The following SEMA5A variants were observed in gnomAD, a reference collection of about 807,000 sequenced individuals.
The protein encoded by SEMA5A is semaphorin-5A.
A neutral mutation model predicts 135.5 loss-of-function variants in SEMA5A; 55 were observed. That is an observed-to-expected ratio of 0.41 (90% CI 0.33 to 0.51). SEMA5A has a LOEUF of 0.51. Among genes scored for constraint, SEMA5A ranks in the 20% least tolerant of loss-of-function variants. The pLI, the probability that SEMA5A is intolerant of heterozygous loss-of-function variation, is 0.37. For synonymous variants in SEMA5A, 580 were observed against 546.5 expected, an observed-to-expected ratio of 1.06 and a Z score of -0.85; for missense variants, 1,290 against 1,419.9, an observed-to-expected ratio of 0.91 and a Z score of 1.47.
intron 2 of SEMA5A, among the ~76,000 whole-genome samples, chr5:9,405,921 C>G (rs146703648): frequency 1.5e-4 from 23 of 152,170 alleles, no homozygotes; most frequent in African/African-American, 5.3e-4. Flanking sequence ...AAGTGGCCAG[C>G]AAAGAAAAGG....
intron 5 of SEMA5A, among the ~76,000 whole-genome samples, chr5:9,254,883 C>T (rs796643343): frequency 1.3e-5 from 2 of 152,102 alleles, no homozygotes; most frequent in Non-Finnish European, 2.9e-5. Context: ...CTAGTTTAAG[C>T]CCGTGGTGAT....
intron 16 of SEMA5A, among the ~76,000 whole-genome samples, chr5:9,094,898 G>A (rs1299798549): frequency 6.6e-6 from 1 of 152,074 alleles, no homozygotes; most frequent in Non-Finnish European, 1.5e-5. Flanking sequence ...GGAATGTGAA[G>A]AGTGTTCTTT....
intron 13 of SEMA5A, among the ~76,000 whole-genome samples, chr5:9,124,753 G>A (rs184611891): frequency 1.1e-3 from 171 of 152,276 alleles, no homozygotes; most frequent in African/African-American, 4.0e-3. Flanking sequence ...ACCATGCACG[G>A]CCTCCAAACC....
At chr5:9,125,326 T>C (rs1741048380) in intron 13 of SEMA5A, among the ~76,000 whole-genome samples, 1 of 152,170 alleles carries the variant, frequency 6.6e-6, no homozygotes, top group African/African-American at 2.4e-5. Context: ...AGAGCAATTC[T>C]TTTCTTTTTG....
At chr5:9,225,326 G>A (rs922506816) in intron 7 of SEMA5A, among the ~76,000 whole-genome samples, 1 of 149,458 alleles carries the variant, frequency 6.7e-6, no homozygotes, top group Non-Finnish European at 1.5e-5. Context: ...GGCTGAAGCG[G>A]GCAGATCACG....
rs542418801 is a variant in SEMA5A, at chr5:9,445,144, T to C, written c.-174-7292A>G. Among the ~76,000 whole-genome samples the C allele has an allele frequency of 2.0e-5, 3 of 152,172 alleles. No homozygotes were observed. In the South Asian group the frequency reaches 6.3e-4, roughly 32 times the overall value. ...CTTGAACCTCCAATCAGAGAATTTTTCCTGCATCCCAGTTTAGCATGCTGG... is the reference window on the plus strand; with the variant it reads ...CTTGAACCTCCAATCAGAGAATTTTCCCTGCATCCCAGTTTAGCATGCTGG... On this transcript the variant is annotated intron_variant, in intron 1 of 22. Transcript: ENST00000382496.
intron 8 of SEMA5A, among the ~76,000 whole-genome samples, chr5:9,210,928 G>A (rs955411315): frequency 6.6e-6 from 1 of 152,164 alleles, no homozygotes; most frequent in African/African-American, 2.4e-5. Context: ...ACAGGCAGGC[G>A]ATATGCATGG....
chr5:9,159,202 T>C (rs958350598), intron 11 of SEMA5A, among the ~76,000 whole-genome samples: 38 of 152,186 alleles, frequency 2.5e-4, no homozygotes, highest in Admixed American at 2.5e-3. Context: ...ATACATATTT[T>C]CTATGAACTG....
At chr5:9,340,031 G>T (rs1026591176) in intron 3 of SEMA5A, among the ~76,000 whole-genome samples, 3 of 151,930 alleles carry the variant, frequency 2.0e-5, no homozygotes, top group African/African-American at 7.2e-5. Flanking sequence ...AGTGATGACT[G>T]AGACAGGCAT....
chr5:9,467,323 A>G (rs1319353940), intron 1 of SEMA5A, among the ~76,000 whole-genome samples: 1 of 152,048 alleles, frequency 6.6e-6, no homozygotes, highest in African/African-American at 2.4e-5. Context: ...CATCTTGGCC[A>G]GGCTTGTCTT....
At chr5:9,534,481 C>T in intron 1 of SEMA5A, among the ~76,000 whole-genome samples, 1 of 152,148 alleles carries the variant, frequency 6.6e-6, no homozygotes, top group East Asian at 1.9e-4. Context: ...GATTACAGAT[C>T]ATTGGGTGTG....
At chr5:9,364,123 T>TTTTTTCCTTGCTAAGTTAAA (rs1289889347) in intron 3 of SEMA5A, among the ~76,000 whole-genome samples, 1 of 152,240 alleles carries the variant, frequency 6.6e-6, no homozygotes, top group Non-Finnish European at 1.5e-5. Flanking sequence ...GCTAAGTTAA[T>TTTTTTCCTTGCTAAGTTAAA]TTTTCTTATA....
intron 12 of SEMA5A, among the ~76,000 whole-genome samples, chr5:9,141,750 C>G (rs1310421083): frequency 6.6e-6 from 1 of 151,990 alleles, no homozygotes; most frequent in Non-Finnish European, 1.5e-5. Context: ...GTTGGAGTAA[C>G]AGAAAAATAA....
rs1735698750 is a variant in SEMA5A, at chr5:9,037,212, T to A, written c.*5685A>T. 6.6e-6 allele frequency: 1 copy of A among 152,190 alleles called. No homozygotes were observed. Among genetic ancestry groups the A allele is most frequent in the Non-Finnish European group, 1.5e-5 (1 of 68,034 alleles). 9.4% of individuals were successfully genotyped at this position (152,190 alleles called of 1,614,324 possible). ...AAGTGCCCTTGACTAGTTCCTGCCA[T>A]TGCGCCAACACTGTAAAACATGTTT... On this transcript the variant is annotated 3_prime_UTR_variant, in exon 23 of 23. Coordinates refer to ENST00000382496, the MANE Select transcript of SEMA5A (RefSeq NM_003966.3).
chr5:9,046,241 T>C (rs1736245497), intron 21 of SEMA5A, among the ~76,000 whole-genome samples: 1 of 152,178 alleles, frequency 6.6e-6, no homozygotes, highest in South Asian at 2.1e-4. Context: ...TTCCCTGACC[T>C]GTCAACCCTG....
intron 11 of SEMA5A, among the ~76,000 whole-genome samples, chr5:9,175,966 C>A (rs1167917052): frequency 6.6e-6 from 1 of 152,198 alleles, no homozygotes; most frequent in Admixed American, 6.5e-5. Context: ...TCATTCCCAA[C>A]CCCTGGTGTT....
At chr5:9,363,712 C>T (rs1754798020) in intron 3 of SEMA5A, among the ~76,000 whole-genome samples, 1 of 152,168 alleles carries the variant, frequency 6.6e-6, no homozygotes, top group African/African-American at 2.4e-5. Context: ...TTGAGAATTA[C>T]AAAACATACC....
chr5:9,383,604 C>T (rs995277674), intron 2 of SEMA5A, among the ~76,000 whole-genome samples: 3 of 152,174 alleles, frequency 2.0e-5, no homozygotes, highest in Non-Finnish European at 4.4e-5. Flanking sequence ...GGTTGGAGCA[C>T]TGCCCTGTCA....
chr5:9,412,170 G>A (rs1470615567), intron 2 of SEMA5A, among the ~76,000 whole-genome samples: 3 of 151,978 alleles, frequency 2.0e-5, no homozygotes, highest in African/African-American at 4.8e-5. Flanking sequence ...CGAAATGAAC[G>A]TTCAGTCTCC....
Sources: allele counts gnomAD v4.1 joint callset (sites outside exome capture counted in the v4.1 genomes callset), GRCh38; gene constraint gnomAD v4.1.1; transcripts MANE v1.5; gene names NCBI Gene and HGNC (gene_info 2026-07-23, HGNC 2026-07-21).